Variants in TRNAU1AP observed in about 807,000 individuals in gnomAD.
TRNAU1AP encodes the protein tRNA selenocysteine 1-associated protein 1.
A neutral mutation model predicts 43.3 loss-of-function variants in TRNAU1AP; 33 were observed. The ratio of observed to expected loss-of-function variants is 0.76; its 90% CI spans 0.58 to 1.02. The LOEUF (loss-of-function observed/expected upper bound fraction) is 1.02. Ranked by LOEUF, TRNAU1AP falls within the 50% of genes least tolerant of loss-of-function variation. The pLI is 0.00. For missense variants in TRNAU1AP, 290 were observed against 362.7 expected (o/e 0.80, Z 1.63); for synonymous variants, 143 against 129.1 (o/e 1.11, Z -0.73).
intron 2 of TRNAU1AP, among the ~76,000 whole-genome samples, chr1:28,560,229 G>C (rs2124193370): frequency 6.6e-6 from 1 of 151,178 alleles, no homozygotes; most frequent in South Asian, 2.1e-4. Flanking sequence ...TGTTGGCTCA[G>C]ATTAGAAAAA....
chr1:28,561,920 A>C (rs867475083), intron 4 of TRNAU1AP, among the ~76,000 whole-genome samples: 10 of 152,136 alleles, frequency 6.6e-5, no homozygotes, highest in African/African-American at 1.9e-4. Context: ...AAAATACAAC[A>C]AATTAGCCGG....
At chr1:28,561,895 A>G (rs527897604) in intron 4 of TRNAU1AP, among the ~76,000 whole-genome samples, 4 of 152,100 alleles carry the variant, frequency 2.6e-5, no homozygotes, top group Non-Finnish European at 5.9e-5. Context: ...ACACGGTGAA[A>G]CCCCGTCTCT....
At chr1:28,563,689 A>T (rs1461314950) in intron 4 of TRNAU1AP, among the ~76,000 whole-genome samples, 1 of 152,012 alleles carries the variant, frequency 6.6e-6, no homozygotes, top group African/African-American at 2.4e-5. Context: ...GTCTCAAAAA[A>T]AAAAAAAAGG....
chr1:28,553,338 C>T (rs1280326099), intron 1 of TRNAU1AP: 2 of 682,520 alleles, frequency 2.9e-6, no homozygotes, highest in Non-Finnish European at 5.0e-6. Context: ...TGGGGCCCCA[C>T]CTGGGTTCGT....
intron 6 of TRNAU1AP, among the ~76,000 whole-genome samples, chr1:28,567,993 A>T (rs1186466786): frequency 6.6e-6 from 1 of 151,978 alleles, no homozygotes; most frequent in Non-Finnish European, 1.5e-5. Context: ...GCAAAACCTC[A>T]TCTCTACTAA....
chr1:28,566,485 G>A (rs914473877), intron 5 of TRNAU1AP, among the ~76,000 whole-genome samples: 2 of 151,962 alleles, frequency 1.3e-5, no homozygotes, highest in African/African-American at 4.8e-5. Context: ...AGGCGTGGTG[G>A]CTCATGCCTG....
chr1:28,562,040 G>C (rs1272575308), intron 4 of TRNAU1AP, among the ~76,000 whole-genome samples: 1 of 152,168 alleles, frequency 6.6e-6, no homozygotes, highest in Non-Finnish European at 1.5e-5. Flanking sequence ...CCATGATCGT[G>C]CCACTGCACT....
chr1:28,571,093 G>C (rs956647644), intron 6 of TRNAU1AP, 83 bp from the exon 7 acceptor site: 1 of 1,365,516 alleles, frequency 7.3e-7, no homozygotes, highest in African/African-American at 1.4e-5. Flanking sequence ...TCGGTATAAA[G>C]CACTTAAAAT....
At chr1:28,575,290 G>A (rs1483883708) in intron 8 of TRNAU1AP, among the ~76,000 whole-genome samples, 1 of 151,928 alleles carries the variant, frequency 6.6e-6, no homozygotes, top group Non-Finnish European at 1.5e-5. Flanking sequence ...GAATAGCTGG[G>A]ACTACAGATG....
chr1:28,571,431 C>A, intron 7 of TRNAU1AP, 93 bp downstream of exon 7: 3 of 1,340,052 alleles, frequency 2.2e-6, no homozygotes, highest in Non-Finnish European at 2.1e-6. Flanking sequence ...AGGACAGGGG[C>A]TTGGGCTTCA....
At chr1:28,559,751 A>C (rs959886594) in intron 2 of TRNAU1AP, among the ~76,000 whole-genome samples, 1 of 152,218 alleles carries the variant, frequency 6.6e-6, no homozygotes, top group African/African-American at 2.4e-5. Flanking sequence ...GGAACTGGTT[A>C]TTAGATCTAA....
At chr1:28,573,643 C>T (rs751384230) in intron 8 of TRNAU1AP, among the ~76,000 whole-genome samples, 4 of 152,000 alleles carry the variant, frequency 2.6e-5, no homozygotes, top group Non-Finnish European at 5.9e-5. Flanking sequence ...CGTGGTGTTG[C>T]GCGCCTATAA....
In TRNAU1AP at chr1:28,560,657, A is replaced by G. The variant is rs779053306; in HGVS notation, c.150A>G (p.Val50=). 2 of 1,614,094 alleles carry G rather than the reference A, an allele frequency of 1.2e-6. No homozygotes were observed. Among genetic ancestry groups the G allele is most frequent in the South Asian group, 1.1e-5 (1 of 91,068 alleles). ...GGATCCCAGCTGGCTACTGCTTTGT[A>G]GAATTTGCAGATTTGGCCACAGCTG... is the stretch of plus-strand genomic sequence containing the variant. ...LTGIPAGYCF[V]EFADLATAEK... is the part of the protein sequence containing the mutation. The change falls in exon 3 of 9, where the codon GTA becomes GTG. Residue 50 remains valine (V), a synonymous_variant. Coordinates refer to ENST00000373830, the MANE Select transcript of TRNAU1AP (RefSeq NM_017846.5).
At chr1:28,568,937 G>A (rs1038454154) in intron 6 of TRNAU1AP, among the ~76,000 whole-genome samples, 11 of 151,650 alleles carry the variant, frequency 7.3e-5, no homozygotes, top group East Asian at 5.8e-4. Flanking sequence ...TCAGCCTCCC[G>A]AGTAGCTGGG....
chr1:28,564,946 G>A, intron 5 of TRNAU1AP, 112 bp downstream of exon 5: 1 of 1,326,864 alleles, frequency 7.5e-7, no homozygotes, highest in Non-Finnish European at 1.1e-6. Context: ...CACAAGCTCT[G>A]GAGCCAAACT....
intron 6 of TRNAU1AP, among the ~76,000 whole-genome samples, chr1:28,567,867 G>T (rs1665574896): frequency 6.6e-6 from 1 of 152,102 alleles, no homozygotes; most frequent in South Asian, 2.1e-4. Flanking sequence ...ATAAGAATTA[G>T]TATTCCAGAC....
At chr1:28,556,833 G>A (rs1012145082) in intron 2 of TRNAU1AP, among the ~76,000 whole-genome samples, 22 of 152,078 alleles carry the variant, frequency 1.4e-4, no homozygotes, top group African/African-American at 5.1e-4. Flanking sequence ...ACAGCCGTGT[G>A]CCACCACATC....
chr1:28,571,857 C>T lies in TRNAU1AP; in HGVS notation c.694-10C>T. 1 of 1,612,878 alleles carries T rather than the reference C, an allele frequency of 6.2e-7. No individual in the cohort carries two copies. Among genetic ancestry groups the T allele is most frequent in the South Asian group, 1.1e-5 (1 of 91,018 alleles). On this transcript the variant is annotated splice_polypyrimidine_tract_variant and intron_variant, in intron 7 of 8. Transcript: ENST00000373830. ...CATGCCCCTAACCCACATCTCTGGT[C>T]TCTTGGCAGACATATGAAGAAGTTG...
chr1:28,560,975 A>T, intron 3 of TRNAU1AP: 1 of 1,145,924 alleles, frequency 8.7e-7, no homozygotes, highest in Non-Finnish European at 1.2e-6. Flanking sequence ...TCCCAAATCC[A>T]TGCCTTTCCA....
Sources: allele counts gnomAD v4.1 joint callset (sites outside exome capture counted in the v4.1 genomes callset), GRCh38; gene constraint gnomAD v4.1.1; transcripts MANE v1.5; gene names NCBI Gene and HGNC (gene_info 2026-07-23, HGNC 2026-07-21).